The following CTNNA1 variants were observed in gnomAD, a reference collection of about 807,000 sequenced individuals.
CTNNA1 encodes the protein catenin alpha 1, also known as catenin alpha-1.
CTNNA1 carries 37 observed loss-of-function variants against 98.4 expected under a neutral mutation model. That is an observed-to-expected ratio of 0.38 (90% CI 0.29 to 0.49). The LOEUF (loss-of-function observed/expected upper bound fraction) is 0.49. CTNNA1 is among the 20% of genes least tolerant of loss of function. CTNNA1 has a pLI of 0.95. For missense variants in CTNNA1, 761 were observed against 1,147.2 expected (o/e 0.66, Z 4.86); for synonymous variants, 404 against 413.2 (o/e 0.98, Z 0.27).
Position 138,886,301 on chromosome 5 carries a change from G to A in CTNNA1, c.1143+9G>A, listed in dbSNP as rs1407150515. On this transcript the variant is annotated intron_variant, in intron 8 of 17. Coordinates refer to ENST00000302763, the MANE Select transcript of CTNNA1 (RefSeq NM_001903.5). ...GGGACTTGCGTAGACAGGTAATCTGGATGAAAGTGCTGATTGTTTTTCTAA... is the reference window on the plus strand; with the variant it reads ...GGGACTTGCGTAGACAGGTAATCTGAATGAAAGTGCTGATTGTTTTTCTAA... The A allele has an allele frequency of 5.7e-6, 9 of 1,576,172 alleles. No individual in the cohort carries two copies. Among genetic ancestry groups the A allele is most frequent in the African/African-American group, 1.4e-5 (1 of 72,492 alleles).
chr5:138,860,493 TTTG>T (rs200051217), intron 7 of CTNNA1, among the ~76,000 whole-genome samples: 4,964 of 100,430 alleles, frequency 0.049, 231 homozygotes, highest in East Asian at 0.16. Context: ...TTTGGTTTTT[TTTG>T]TTTGTTTTGT....
At chr5:138,892,104 T>A (rs1561667076) in intron 9 of CTNNA1, among the ~76,000 whole-genome samples, 1 of 152,128 alleles carries the variant, frequency 6.6e-6, no homozygotes, top group African/African-American at 2.4e-5. Flanking sequence ...GATTGATGTC[T>A]CATGATTCCC....
At chr5:138,859,449 T>C (rs537553114) in intron 7 of CTNNA1, among the ~76,000 whole-genome samples, 1 of 152,364 alleles carries the variant, frequency 6.6e-6, no homozygotes, top group Non-Finnish European at 1.5e-5. Context: ...TCTAAATTTA[T>C]GTTTCCAGCC....
rs140778804 is a variant in CTNNA1, at chr5:138,909,720, G to T, written c.1389+5279G>T. 8.6e-4 allele frequency among the ~76,000 whole-genome samples: 131 copies of T among 152,196 alleles called. 1 individual carries two copies. The highest frequency in any genetic ancestry group is 3.0e-3 in the African/African-American group (124 of 41,530). The stretch of plus-strand genomic sequence containing the variant: ...GTTCATTCTTCCTTCTGCCTCCCTA[G>T]ATTTATCTTCCATATTGCTTCTTCT... On this transcript the variant is annotated intron_variant, in intron 10 of 17. Transcript: ENST00000302763.
intron 3 of CTNNA1, among the ~76,000 whole-genome samples, chr5:138,805,271 T>A (rs1757969526): frequency 6.6e-6 from 1 of 152,184 alleles, no homozygotes; most frequent in African/African-American, 2.4e-5. Context: ...ATCCAAACCA[T>A]ATCCACCTAG....
intron 7 of CTNNA1, chr5:138,828,233 A>G (rs557847240): frequency 1.9e-5 from 3 of 157,530 alleles, no homozygotes; most frequent in African/African-American, 7.2e-5. Context: ...TAGTTGTGAA[A>G]GTTTTTTCGT....
chr5:138,876,865 G>A (rs1751685800), intron 7 of CTNNA1, among the ~76,000 whole-genome samples: 1 of 152,172 alleles, frequency 6.6e-6, no homozygotes, highest in Non-Finnish European at 1.5e-5. Context: ...TGTGGTTTGA[G>A]TCCTCCTAGA....
At chr5:138,901,571 C>T (rs766535477) in intron 9 of CTNNA1, among the ~76,000 whole-genome samples, 20 of 151,988 alleles carry the variant, frequency 1.3e-4, no homozygotes, top group Non-Finnish European at 2.2e-4. Context: ...ACTATAGGTG[C>T]GTGCCACCAC....
chr5:138,934,002 A>G lies in CTNNA1; in HGVS notation c.2634A>G (p.Thr878=), dbSNP rs151149104. 1 of 1,614,194 alleles carries G rather than the reference A, an allele frequency of 6.2e-7. No homozygotes were observed. The highest frequency in any genetic ancestry group is 8.5e-7 in the Non-Finnish European group (1 of 1,180,030). ...TGAAGAGAGAGAAACAGGATGAGAC[A>G]CAGACCAAGATTAAACGGGCATCTC... The part of the protein sequence containing the change: ...PLVKREKQDE[T]QTKIKRASQK... Residue 878 remains threonine, a synonymous_variant, in exon 18 of 18, where the codon ACA becomes ACG. Transcript: ENST00000302763.
chr5:138,867,772 A>C (rs538013809), intron 7 of CTNNA1, among the ~76,000 whole-genome samples: 1 of 148,876 alleles, frequency 6.7e-6, no homozygotes, highest in Non-Finnish European at 1.5e-5. Context: ...TTTTTTTTTA[A>C]GATGGAGTCT....
chr5:138,868,816 A>T (rs1463830663), intron 7 of CTNNA1: 2 of 152,210 alleles, frequency 1.3e-5, no homozygotes, highest in Non-Finnish European at 2.9e-5. Flanking sequence ...AGGAACATGG[A>T]ATAAAACAAC....
At chr5:138,813,918 A>G (rs1239338789) in intron 5 of CTNNA1, among the ~76,000 whole-genome samples, 1 of 152,152 alleles carries the variant, frequency 6.6e-6, no homozygotes, top group Non-Finnish European at 1.5e-5. Context: ...GTGGCTAGCT[A>G]AATGCTATTA....
At chr5:138,850,797 AG>A (rs1561591927) in intron 7 of CTNNA1, among the ~76,000 whole-genome samples, 1 of 152,184 alleles carries the variant, frequency 6.6e-6, no homozygotes, top group Non-Finnish European at 1.5e-5. Flanking sequence ...CTGGTTTTAG[AG>A]CCCAAAGATG....
chr5:138,775,610 C>A (rs1754017429), intron 1 of CTNNA1, among the ~76,000 whole-genome samples: 1 of 151,408 alleles, frequency 6.6e-6, no homozygotes. Flanking sequence ...TACCCATAGT[C>A]AAATTTTGTC....
rs577951454 is a variant in CTNNA1 at position 138,923,061 on chromosome 5, A to G, written c.1547-1449A>G. ...GAAATAGGGATGAGTCTTAAAATCA[A>G]TGATATGAGAAAACACTGGTTCTTA... On this transcript the variant is annotated intron_variant, in intron 11 of 17. Coordinates refer to ENST00000302763, the MANE Select transcript of CTNNA1 (RefSeq NM_001903.5). 8.3e-4 allele frequency among the ~76,000 whole-genome samples: 126 copies of G among 152,306 alleles called. 1 individual carries two copies. In the South Asian group the frequency reaches 0.012, roughly 14 times the overall value.
chr5:138,774,695 C>T (rs1753898611), intron 1 of CTNNA1, among the ~76,000 whole-genome samples: 1 of 151,912 alleles, frequency 6.6e-6, no homozygotes, highest in Non-Finnish European at 1.5e-5. Flanking sequence ...GATCTCGGCT[C>T]ACTGCAAGCT....
intron 7 of CTNNA1, among the ~76,000 whole-genome samples, chr5:138,868,280 A>G (rs1405948774): frequency 6.6e-6 from 1 of 152,154 alleles, no homozygotes; most frequent in African/African-American, 2.4e-5. Flanking sequence ...TGTGTGGAGC[A>G]GGGGGTTGGC....
intron 5 of CTNNA1, among the ~76,000 whole-genome samples, chr5:138,821,853 C>G (rs1475779469): frequency 6.6e-6 from 1 of 152,088 alleles, no homozygotes; most frequent in East Asian, 1.9e-4. Flanking sequence ...GGTCACTTTC[C>G]TCAGTAATCT....
intron 7 of CTNNA1, among the ~76,000 whole-genome samples, chr5:138,860,656 C>G (rs1026985701): frequency 2.0e-5 from 3 of 151,520 alleles, no homozygotes; most frequent in Non-Finnish European, 4.4e-5. Context: ...CCACCATGCC[C>G]AGCTAGTTTT....
Sources: allele counts gnomAD v4.1 joint callset (sites outside exome capture counted in the v4.1 genomes callset), GRCh38; gene constraint gnomAD v4.1.1; transcripts MANE v1.5; gene names NCBI Gene and HGNC (gene_info 2026-07-23, HGNC 2026-07-21).